Variants in MAPK4 observed in about 807,000 individuals in gnomAD.
MAPK4 encodes the protein mitogen-activated protein kinase 4, also known as Erk3-related.
A neutral mutation model predicts 47.7 loss-of-function variants in MAPK4; 22 were observed. The ratio of observed to expected loss-of-function variants is 0.46; its 90% CI spans 0.33 to 0.66. The LOEUF is 0.66. Ranked by LOEUF, MAPK4 falls within the 30% of genes least tolerant of loss-of-function variation. The pLI is 0.02. For missense variants in MAPK4, 736 were observed against 831.7 expected, an observed-to-expected ratio of 0.88 and a Z score of 1.42; for synonymous variants, 390 against 365.7, an observed-to-expected ratio of 1.07 and a Z score of -0.76.
rs142626351 is a variant in MAPK4, at chr18:50,690,042, T to C, written c.547-25037T>C. Among the ~76,000 whole-genome samples, 37 of 152,220 alleles carry C rather than the reference T, an allele frequency of 2.4e-4. No homozygotes were observed. In the East Asian group the frequency reaches 6.8e-3, roughly 28 times the overall value. On this transcript the variant is annotated intron_variant, in intron 2 of 5. Transcript: ENST00000400384. ...ACTCCAGGTTCCCATCTGGACAGTATAGGCAGGAAGAGTTTGGGGAAGGGG... is the reference window on the plus strand; with the variant it reads ...ACTCCAGGTTCCCATCTGGACAGTACAGGCAGGAAGAGTTTGGGGAAGGGG...
chr18:50,628,283 G>A lies in MAPK4; in HGVS notation c.-870-34806G>A, dbSNP rs114136959. ...AAGTGTGAAGAATTCTATCGGGTTC[G>A]CTGTTTCCAAATCCAACATCTGATC... is the stretch of plus-strand genomic sequence containing the variant. On this transcript the variant is annotated intron_variant, in intron 1 of 5. Coordinates refer to ENST00000400384, the MANE Select transcript of MAPK4 (RefSeq NM_002747.4). Among the ~76,000 whole-genome samples the A allele has an allele frequency of 7.7e-3, 1,177 of 152,272 alleles. 16 individuals carry two copies. The highest frequency in any genetic ancestry group is 0.026 in the African/African-American group (1,084 of 41,536).
intron 1 of MAPK4, among the ~76,000 whole-genome samples, chr18:50,660,931 G>T (rs542698150): frequency 1.3e-5 from 2 of 152,216 alleles, no homozygotes; most frequent in South Asian, 4.2e-4. Flanking sequence ...ACACACACAC[G>T]GGATACAGTC....
At chr18:50,719,232 T>C (rs1010412931) in intron 3 of MAPK4, among the ~76,000 whole-genome samples, 1 of 152,140 alleles carries the variant, frequency 6.6e-6, no homozygotes, top group African/African-American at 2.4e-5. Flanking sequence ...GTTTTCCCTC[T>C]GGTGGATTTT....
intron 3 of MAPK4, among the ~76,000 whole-genome samples, chr18:50,720,793 G>C (rs749688902): frequency 6.6e-6 from 1 of 152,198 alleles, no homozygotes; most frequent in Non-Finnish European, 1.5e-5. Flanking sequence ...GACCCAATGA[G>C]TCCACTGCAG....
At chr18:50,566,879 C>T (rs2042203161) in intron 1 of MAPK4, among the ~76,000 whole-genome samples, 1 of 152,118 alleles carries the variant, frequency 6.6e-6, no homozygotes, top group Non-Finnish European at 1.5e-5. Context: ...ACTTTAATCC[C>T]ATTCGTATTT....
intron 4 of MAPK4, among the ~76,000 whole-genome samples, chr18:50,723,774 G>A (rs1723033915): frequency 6.6e-6 from 1 of 151,714 alleles, no homozygotes; most frequent in Non-Finnish European, 1.5e-5. Context: ...TGAGGCAGGA[G>A]GATCACCTGA....
intron 1 of MAPK4, among the ~76,000 whole-genome samples, chr18:50,588,267 G>A (rs2042405645): frequency 6.6e-6 from 1 of 152,160 alleles, no homozygotes; most frequent in Admixed American, 6.5e-5. Context: ...GTTGGGCTGG[G>A]CCAGAAGGAC....
chr18:50,704,871 C>T (rs1251145366), intron 2 of MAPK4: 4 of 397,992 alleles, frequency 1.0e-5, no homozygotes, highest in African/African-American at 8.2e-5. Context: ...GCACCCCAAG[C>T]ACATGGTCAG....
At chr18:50,721,162 A>C (rs1910914866) in intron 3 of MAPK4, among the ~76,000 whole-genome samples, 1 of 152,214 alleles carries the variant, frequency 6.6e-6, no homozygotes, top group Non-Finnish European at 1.5e-5. Flanking sequence ...CAGAGCCAGA[A>C]ATGCCATACG....
chr18:50,658,794 G>A (rs901550054), intron 1 of MAPK4, among the ~76,000 whole-genome samples: 4 of 152,158 alleles, frequency 2.6e-5, no homozygotes, highest in African/African-American at 9.7e-5. Flanking sequence ...CCAGGCCTGG[G>A]ATAGTGTCGC....
chr18:50,600,958 G>A (rs779177592), intron 1 of MAPK4, among the ~76,000 whole-genome samples: 24 of 151,738 alleles, frequency 1.6e-4, no homozygotes, highest in Non-Finnish European at 3.4e-4. Context: ...TATTGTTCAC[G>A]ATTTGAAGAT....
intron 1 of MAPK4, among the ~76,000 whole-genome samples, chr18:50,651,955 C>T (rs1055212046): frequency 2.0e-5 from 3 of 152,228 alleles, no homozygotes; most frequent in African/African-American, 7.2e-5. Context: ...GTCACACTAC[C>T]AGCCCCTACA....
chr18:50,582,266 G>T (rs1263355214), intron 1 of MAPK4, among the ~76,000 whole-genome samples: 2 of 152,206 alleles, frequency 1.3e-5, no homozygotes, highest in South Asian at 2.1e-4. Context: ...AAGCTCTCCT[G>T]TTCTGTGGTA....
intron 1 of MAPK4, among the ~76,000 whole-genome samples, chr18:50,649,609 C>T (rs572435708): frequency 3.3e-5 from 5 of 152,294 alleles, no homozygotes; most frequent in East Asian, 1.9e-4. Flanking sequence ...GTGCATGATG[C>T]GTATAAGTTG....
chr18:50,675,989 T>C (rs1181021612), intron 2 of MAPK4, among the ~76,000 whole-genome samples: 12 of 152,338 alleles, frequency 7.9e-5, no homozygotes, highest in Middle Eastern at 3.4e-3. Context: ...GGATGCGACA[T>C]TGCTGCTCTG....
intron 1 of MAPK4, among the ~76,000 whole-genome samples, chr18:50,628,921 T>C (rs1308334169): frequency 6.6e-6 from 1 of 152,268 alleles, no homozygotes; most frequent in African/African-American, 2.4e-5. Context: ...TGTCGATTTT[T>C]CATTTTATTT....
At chr18:50,687,582 C>T (rs1446319358) in intron 2 of MAPK4, among the ~76,000 whole-genome samples, 1 of 152,238 alleles carries the variant, frequency 6.6e-6, no homozygotes, top group Non-Finnish European at 1.5e-5. Context: ...TCGCTCTTTC[C>T]CTGGTACACG....
At chr18:50,671,475 TG>T (rs1290267131) in intron 2 of MAPK4, among the ~76,000 whole-genome samples, 3 of 152,090 alleles carry the variant, frequency 2.0e-5, no homozygotes, top group African/African-American at 4.8e-5. Context: ...TACTGCAGTT[TG>T]TTAAGTTTGT....
intron 2 of MAPK4, among the ~76,000 whole-genome samples, chr18:50,674,092 C>T (rs1486177907): frequency 6.6e-6 from 1 of 151,938 alleles, no homozygotes; most frequent in Non-Finnish European, 1.5e-5. Flanking sequence ...CCTTTTATAC[C>T]CAAGATTTGC....
Sources: gnomAD v4.1 joint callset for allele counts (sites outside exome capture counted in the v4.1 genomes callset) on GRCh38, gnomAD v4.1.1 for gene constraint, MANE v1.5 for transcripts, NCBI Gene and HGNC (gene_info 2026-07-23, HGNC 2026-07-21) for gene names.